PTPN13: variants seen among roughly 807,000 people sequenced by gnomAD.
The protein encoded by PTPN13 is protein tyrosine phosphatase non-receptor type 13.
A neutral mutation model predicts 284.0 loss-of-function variants in PTPN13; 191 were observed. That is an observed-to-expected ratio of 0.67 (90% CI 0.60 to 0.76). The LOEUF (loss-of-function observed/expected upper bound fraction) is 0.76. Ranked by LOEUF, PTPN13 falls within the 30% of genes least tolerant of loss-of-function variation. The pLI is 0.00. For missense variants in PTPN13, 2,797 were observed against 2,939.9 expected (o/e 0.95, Z 1.12); for synonymous variants, 986 against 1,022.3 (o/e 0.96, Z 0.68).
At position 86,775,238 on chromosome 4, in the gene PTPN13, A is replaced by G; in HGVS notation, c.5576A>G (p.Lys1859Arg). Residue 1859 changes from lysine to arginine, a missense_variant, in exon 34 of 48, where the codon AAA becomes AGA. Transcript: ENST00000411767. The stretch of plus-strand genomic sequence containing the variant: ...GTTAATCTGCTCCGGGCTGCATCCA[A>G]AACAGTCAGATTAGTTATTGGACGA... ...DAVNLLRAAS[K>R]TVRLVIGRVL... is the part of the protein sequence containing the mutation. The G allele has an allele frequency of 6.2e-7, 1 of 1,613,660 alleles. No homozygotes were observed.
At chr4:86,806,740 G>C (rs1399535306) in intron 44 of PTPN13, among the ~76,000 whole-genome samples, 1 of 152,098 alleles carries the variant, frequency 6.6e-6, no homozygotes, top group Non-Finnish European at 1.5e-5. Context: ...ATCATTAAAA[G>C]GTTTTAGTTT....
intron 7 of PTPN13, among the ~76,000 whole-genome samples, chr4:86,708,337 TTAAG>T (rs1170849262): frequency 2.0e-5 from 3 of 152,218 alleles, no homozygotes; most frequent in African/African-American, 7.2e-5. Context: ...GTTATTTAGT[TTAAG>T]TAAGAATACA....
At chr4:86,752,196 A>G (rs1737473171) in intron 19 of PTPN13, among the ~76,000 whole-genome samples, 1 of 152,192 alleles carries the variant, frequency 6.6e-6, no homozygotes, top group South Asian at 2.1e-4. Context: ...GTCTTACGAA[A>G]TACTACTAAA....
chr4:86,682,042 A>T (rs1374169418), intron 3 of PTPN13, among the ~76,000 whole-genome samples: 1 of 152,262 alleles, frequency 6.6e-6, no homozygotes, highest in African/African-American at 2.4e-5. Flanking sequence ...ATTCTAATAC[A>T]TATAATAATA....
chr4:86,669,591 A>C (rs898541238), intron 2 of PTPN13, among the ~76,000 whole-genome samples: 52 of 152,124 alleles, frequency 3.4e-4, no homozygotes, highest in African/African-American at 1.1e-3. Context: ...TAGAGTGATA[A>C]GGAATTATGA....
chr4:86,706,539 A>C (rs1731789552), intron 7 of PTPN13, among the ~76,000 whole-genome samples: 1 of 152,178 alleles, frequency 6.6e-6, no homozygotes. Context: ...TGTGGTAGAT[A>C]GTATTTTGGT....
intron 25 of PTPN13, among the ~76,000 whole-genome samples, chr4:86,765,109 T>C (rs1739145620): frequency 6.6e-6 from 1 of 152,214 alleles, no homozygotes; most frequent in Non-Finnish European, 1.5e-5. Context: ...CCATAATATG[T>C]AATACCTTGT....
At chr4:86,675,610 T>A (rs1164551205) in intron 3 of PTPN13, among the ~76,000 whole-genome samples, 6 of 152,156 alleles carry the variant, frequency 3.9e-5, no homozygotes, top group Admixed American at 3.9e-4. Flanking sequence ...TCATAAACTG[T>A]ACATGTTTGT....
At chr4:86,694,425 C>T (rs538384319) in intron 6 of PTPN13, among the ~76,000 whole-genome samples, 1 of 151,266 alleles carries the variant, frequency 6.6e-6, no homozygotes, top group East Asian at 2.0e-4. Flanking sequence ...TCTAAAAATA[C>T]AAAAATTAGC....
intron 1 of PTPN13, among the ~76,000 whole-genome samples, chr4:86,600,905 G>A (rs1764246095): frequency 6.6e-6 from 1 of 151,976 alleles, no homozygotes; most frequent in African/African-American, 2.4e-5. Flanking sequence ...TAGAACAGAA[G>A]TTTCAGTTTT....
chr4:86,803,064 CTGTGTG>C (rs143647187), intron 42 of PTPN13, among the ~76,000 whole-genome samples: 253 of 136,154 alleles, frequency 1.9e-3, no homozygotes, highest in African/African-American at 5.9e-3. Flanking sequence ...CAGAATAAGA[CTGTGTG>C]TGTGTGTGTG....
intron 2 of PTPN13, among the ~76,000 whole-genome samples, chr4:86,660,886 G>T (rs1303183193): frequency 6.6e-6 from 1 of 152,082 alleles, no homozygotes; most frequent in Non-Finnish European, 1.5e-5. Context: ...TAGCCATGCA[G>T]TTAGATAGGA....
chr4:86,608,507 A>G (rs1203175229), intron 1 of PTPN13, among the ~76,000 whole-genome samples: 2 of 152,134 alleles, frequency 1.3e-5, no homozygotes, highest in Non-Finnish European at 2.9e-5. Context: ...TTAGGTAATT[A>G]TAATGATAGT....
At chr4:86,638,718 TA>T (rs1332132782) in intron 2 of PTPN13, among the ~76,000 whole-genome samples, 1 of 151,984 alleles carries the variant, frequency 6.6e-6, no homozygotes, top group African/African-American at 2.4e-5. Context: ...CCTAAAACCA[TA>T]AAAACCCTAG....
intron 2 of PTPN13, among the ~76,000 whole-genome samples, chr4:86,644,382 C>T (rs959550447): frequency 2.0e-5 from 3 of 152,118 alleles, no homozygotes; most frequent in Non-Finnish European, 2.9e-5. Context: ...TCAAGCGACC[C>T]GCTCGCATCA....
chr4:86,775,497 T>C lies in PTPN13; in HGVS notation c.5736T>C (p.Asp1912=). The change falls in exon 35 of 48, where the codon GAT becomes GAC. Residue 1912 remains aspartate, a synonymous_variant. Transcript: ENST00000411767. ...DSLYQVVYIS[D]INPRSVAAIE... The stretch of plus-strand genomic sequence containing the variant: ...TTTATCAAGTGGTATATATTAGTGA[T>C]ATTAATCCAAGGTCCGTCGCAGCCA... 2 of 1,611,470 alleles carry C rather than the reference T, an allele frequency of 1.2e-6. No individual in the cohort carries two copies. The highest frequency in any genetic ancestry group is 1.7e-6 in the Non-Finnish European group (2 of 1,177,690).
In PTPN13 at chr4:86,608,997, GTGTC is replaced by G. The variant is rs538228861; in HGVS notation, c.-6+14211_-6+14214del. ...TGCTTTGTATGTGGTGATGTAAAAA[GTGTC>G]TGAGGAGAACTACAAAAGTTTCTAA... On this transcript the variant is annotated intron_variant, in intron 1 of 47. Coordinates refer to ENST00000411767, the MANE Select transcript of PTPN13 (RefSeq NM_080683.3). Among the ~76,000 whole-genome samples, 402 of 152,256 alleles carry G rather than the reference GTGTC, an allele frequency of 2.6e-3. 2 individuals carry two copies. Among genetic ancestry groups the G allele is most frequent in the African/African-American group, 9.3e-3 (388 of 41,560 alleles).
chr4:86,797,482 A>G (rs1236610854), intron 41 of PTPN13, among the ~76,000 whole-genome samples: 1 of 151,416 alleles, frequency 6.6e-6, no homozygotes, highest in Non-Finnish European at 1.5e-5. Flanking sequence ...ACAGAGCAAG[A>G]CTCTGTCTCA....
At position 86,772,832 on chromosome 4, in the gene PTPN13, A is replaced by G. The variant is rs750888744; in HGVS notation, c.5223A>G (p.Gln1741=). 13 of 1,613,412 alleles carry G rather than the reference A, an allele frequency of 8.1e-6. No individual in the cohort carries two copies. The highest frequency in any genetic ancestry group is 4.0e-5 in the African/African-American group (3 of 74,902). The change falls in exon 32 of 48, where the codon CAA becomes CAG. Residue 1741 remains glutamine (Q), a synonymous_variant. Transcript: ENST00000411767. ...CTCCTGGGCAGAGTTATCAACCCCA[A>G]TCAGAATCTGCTTCCTCTAGTTCGA... ...DMAPGQSYQP[Q]SESASSSSMD...
Sources: gnomAD v4.1 joint callset for allele counts (sites outside exome capture counted in the v4.1 genomes callset) on GRCh38, gnomAD v4.1.1 for gene constraint, MANE v1.5 for transcripts, NCBI Gene and HGNC (gene_info 2026-07-23, HGNC 2026-07-21) for gene names.